The following LRP1B variants were observed in gnomAD, a reference collection of about 807,000 sequenced individuals.
The protein encoded by LRP1B is LDL receptor related protein 1B.
LRP1B carries 217 observed loss-of-function variants against 556.6 expected under a neutral mutation model. The observed-to-expected ratio is 0.39, with a 90% CI of 0.35 to 0.44. The LOEUF (loss-of-function observed/expected upper bound fraction) is 0.44, where lower values mean the gene tolerates loss of function less well. Among genes scored for constraint, LRP1B ranks in the 20% least tolerant of loss-of-function variants. LRP1B has a pLI of 1.00. For synonymous variants in LRP1B, 2,047 were observed against 1,865.8 expected, an observed-to-expected ratio of 1.10 and a Z score of -2.50; for missense variants, 5,053 against 5,620.8, an observed-to-expected ratio of 0.90 and a Z score of 3.23.
rs564099648 is a variant in LRP1B, at chr2:141,742,197, C to A, written c.205+68082G>T. Among the ~76,000 whole-genome samples the A allele has an allele frequency of 7.4e-5, 11 of 149,256 alleles. No homozygotes were observed. In the South Asian group the frequency reaches 2.3e-3, roughly 31 times the overall value. ...CCATGCCATCGTAGTTACTATAGCT[C>A]TGTAGTATAACTTGAAGTCAGGTAA... is the stretch of plus-strand genomic sequence containing the variant. On this transcript the variant is annotated intron_variant, in intron 2 of 90. Coordinates refer to ENST00000389484, the MANE Select transcript of LRP1B (RefSeq NM_018557.3).
At chr2:142,128,736 T>C (rs1411973373) in intron 1 of LRP1B, among the ~76,000 whole-genome samples, 1 of 152,202 alleles carries the variant, frequency 6.6e-6, no homozygotes, top group Non-Finnish European at 1.5e-5. Flanking sequence ...AACACGACAC[T>C]ATTTCATTTT....
intron 2 of LRP1B, among the ~76,000 whole-genome samples, chr2:141,750,645 AAT>A: frequency 6.6e-6 from 1 of 152,162 alleles, no homozygotes; most frequent in East Asian, 1.9e-4. Context: ...GATTATAATG[AAT>A]AAAGCAATGG....
intron 2 of LRP1B, among the ~76,000 whole-genome samples, chr2:141,546,733 C>T (rs933790263): frequency 6.6e-6 from 1 of 152,100 alleles, no homozygotes; most frequent in Non-Finnish European, 1.5e-5. Flanking sequence ...AATTTAACAG[C>T]CCTCTTTTAA....
chr2:141,899,410 C>G (rs1699552516), intron 1 of LRP1B, among the ~76,000 whole-genome samples: 1 of 152,102 alleles, frequency 6.6e-6, no homozygotes, highest in African/African-American at 2.4e-5. Flanking sequence ...AAACTCCAGG[C>G]AGTTGGAATC....
chr2:140,976,057 A>G (rs1488536288), intron 18 of LRP1B, among the ~76,000 whole-genome samples: 3 of 152,022 alleles, frequency 2.0e-5, no homozygotes, highest in Non-Finnish European at 4.4e-5. Flanking sequence ...AACTGGGACT[A>G]CAGGTACCCA....
intron 87 of LRP1B, among the ~76,000 whole-genome samples, chr2:140,241,631 A>G (rs1218247404): frequency 6.6e-6 from 1 of 150,806 alleles, no homozygotes; most frequent in African/African-American, 2.4e-5. Context: ...GACTTCTGAT[A>G]TGTTTATGTA....
intron 3 of LRP1B, among the ~76,000 whole-genome samples, chr2:141,316,316 G>A (rs1321402015): frequency 1.3e-5 from 2 of 152,092 alleles, no homozygotes; most frequent in African/African-American, 4.8e-5. Context: ...ATTTAACAAC[G>A]TTATTGCAAT....
chr2:141,296,370 A>G (rs1312824238), intron 3 of LRP1B, among the ~76,000 whole-genome samples: 5 of 152,216 alleles, frequency 3.3e-5, no homozygotes, highest in African/African-American at 1.2e-4. Flanking sequence ...CATTTCACAT[A>G]TAAGGGAATT....
intron 86 of LRP1B, among the ~76,000 whole-genome samples, chr2:140,253,654 C>T (rs1681551979): frequency 1.3e-5 from 2 of 151,990 alleles, no homozygotes; most frequent in African/African-American, 4.8e-5. Flanking sequence ...TGTTTATCAT[C>T]TAGATAGTCC....
chr2:140,628,889 C>T (rs1253721300), intron 41 of LRP1B, among the ~76,000 whole-genome samples: 1 of 152,090 alleles, frequency 6.6e-6, no homozygotes. Context: ...TCTTCACTCT[C>T]TTCCTCCTGC....
At chr2:140,850,866 T>G (rs1484866921) in intron 28 of LRP1B, among the ~76,000 whole-genome samples, 1 of 152,174 alleles carries the variant, frequency 6.6e-6, no homozygotes, top group Non-Finnish European at 1.5e-5. Flanking sequence ...TGTGAGGCGT[T>G]ATATCACTTT....
chr2:141,406,797 C>A (rs1012532206), intron 3 of LRP1B, among the ~76,000 whole-genome samples: 1 of 151,910 alleles, frequency 6.6e-6, no homozygotes, highest in Non-Finnish European at 1.5e-5. Flanking sequence ...TTATAAGTAA[C>A]CCTGGTAAAT....
chr2:140,504,671 C>T (rs1433094654), intron 53 of LRP1B, among the ~76,000 whole-genome samples: 1 of 152,086 alleles, frequency 6.6e-6, no homozygotes, highest in Non-Finnish European at 1.5e-5. Flanking sequence ...CTCTTGTATC[C>T]CAACATTCAT....
intron 2 of LRP1B, among the ~76,000 whole-genome samples, chr2:141,561,702 C>T (rs957051566): frequency 2.0e-5 from 3 of 151,802 alleles, no homozygotes; most frequent in Admixed American, 2.0e-4. Context: ...TCTTCCTCTC[C>T]TTCTAATCTG....
chr2:140,856,606 C>T (rs545373136), intron 27 of LRP1B, among the ~76,000 whole-genome samples: 14 of 152,120 alleles, frequency 9.2e-5, no homozygotes, highest in African/African-American at 3.1e-4. Flanking sequence ...CAAAACAATA[C>T]GTGAATGAAG....
At chr2:141,564,843 A>C (rs1686276263) in intron 2 of LRP1B, among the ~76,000 whole-genome samples, 1 of 152,082 alleles carries the variant, frequency 6.6e-6, no homozygotes, top group African/African-American at 2.4e-5. Context: ...TTTTCTAAGT[A>C]ACTAAGAACA....
At chr2:141,829,891 T>C (rs1251790726) in intron 1 of LRP1B, among the ~76,000 whole-genome samples, 1 of 152,008 alleles carries the variant, frequency 6.6e-6, no homozygotes, top group Non-Finnish European at 1.5e-5. Context: ...AGACATTTTC[T>C]GTAGCTTCAA....
At chr2:140,801,582 ATTT>A (rs10545209) in intron 32 of LRP1B, among the ~76,000 whole-genome samples, 64,988 of 147,098 alleles carry the variant, frequency 0.44, 15,447 homozygotes, top group East Asian at 0.57. Flanking sequence ...AATCTTACTA[ATTT>A]TTTTTTTTTT....
intron 1 of LRP1B, among the ~76,000 whole-genome samples, chr2:141,973,530 T>A (rs549826462): frequency 1.3e-5 from 2 of 151,968 alleles, no homozygotes; most frequent in East Asian, 1.9e-4. Context: ...ACATTTAATC[T>A]GTGGCTGTTA....
Sources: allele counts gnomAD v4.1 joint callset (sites outside exome capture counted in the v4.1 genomes callset), GRCh38; gene constraint gnomAD v4.1.1; transcripts MANE v1.5; gene names NCBI Gene and HGNC (gene_info 2026-07-23, HGNC 2026-07-21).